The following RAB38 variants were observed in gnomAD, a reference collection of about 807,000 sequenced individuals.
RAB38 encodes ras-related protein Rab-38.
A neutral mutation model predicts 18.4 loss-of-function variants in RAB38; 15 were observed. The observed-to-expected ratio is 0.82, with a 90% CI of 0.55 to 1.26. The LOEUF is 1.26. Ranked by LOEUF, RAB38 falls within the 50% of genes most tolerant of loss-of-function variation. RAB38 has a pLI of 0.00. For synonymous variants in RAB38, 101 were observed against 104.4 expected, an observed-to-expected ratio of 0.97 and a Z score of 0.20; for missense variants, 294 against 267.4, an observed-to-expected ratio of 1.10 and a Z score of -0.69.
chr11:87,821,766 G>T, the RAB38 span, among the ~76,000 whole-genome samples: 2 of 151,150 alleles, frequency 1.3e-5, no homozygotes, highest in Admixed American at 6.6e-5. Context: ...CAGGAGAATC[G>T]CTTGCACCCG....
chr11:87,864,513 C>A, the RAB38 span, among the ~76,000 whole-genome samples: 1 of 151,468 alleles, frequency 6.6e-6, no homozygotes, highest in Non-Finnish European at 1.5e-5. Context: ...ACATAATATT[C>A]TTGTTTCATG....
At chr11:88,100,335 T>C in the RAB38 span, among the ~76,000 whole-genome samples, 1 of 151,936 alleles carries the variant, frequency 6.6e-6, no homozygotes, top group African/African-American at 2.4e-5. Flanking sequence ...AATGGCCGTT[T>C]TAAGGGAGCC....
the RAB38 span, among the ~76,000 whole-genome samples, chr11:87,849,230 A>C: frequency 1.3e-5 from 2 of 152,220 alleles, no homozygotes; most frequent in African/African-American, 2.4e-5. Context: ...ATCTGACCCA[A>C]GTTTCTTGGG....
the RAB38 span, among the ~76,000 whole-genome samples, chr11:88,091,169 A>T: frequency 6.6e-6 from 1 of 152,068 alleles, no homozygotes; most frequent in Middle Eastern, 3.4e-3. Flanking sequence ...TCCCTAGCTC[A>T]CCCAATATTG....
intron 2 of RAB38, among the ~76,000 whole-genome samples, chr11:88,123,592 G>A (rs958485756): frequency 6.6e-6 from 1 of 152,154 alleles, no homozygotes; most frequent in Non-Finnish European, 1.5e-5. Flanking sequence ...AACTACTGTA[G>A]GCTTTGCAGT....
At chr11:87,964,834 C>G in the RAB38 span, among the ~76,000 whole-genome samples, 1 of 152,050 alleles carries the variant, frequency 6.6e-6, no homozygotes, top group Non-Finnish European at 1.5e-5. Context: ...AACAGACCAC[C>G]GTAATTTATA....
At chr11:87,874,112 A>T in the RAB38 span, among the ~76,000 whole-genome samples, 1 of 150,790 alleles carries the variant, frequency 6.6e-6, no homozygotes, top group Non-Finnish European at 1.5e-5. Flanking sequence ...TGGTCCTGTT[A>T]AATGAATCTT....
chr11:88,084,603 C>T, the RAB38 span, among the ~76,000 whole-genome samples: 2 of 151,860 alleles, frequency 1.3e-5, no homozygotes, highest in Non-Finnish European at 2.9e-5. Context: ...ACTGTTTACC[C>T]TTCAAAGCCA....
At chr11:88,173,229 T>C (rs1277662213) in intron 1 of RAB38, among the ~76,000 whole-genome samples, 1 of 152,338 alleles carries the variant, frequency 6.6e-6, no homozygotes, top group Non-Finnish European at 1.5e-5. Context: ...CCTTCTTGCC[T>C]AGCATTTATA....
chr11:87,812,956 G>T, the RAB38 span, among the ~76,000 whole-genome samples: 1 of 152,104 alleles, frequency 6.6e-6, no homozygotes, highest in Admixed American at 6.6e-5. Flanking sequence ...ACATTCCAAA[G>T]AAATTCTCCG....
chr11:87,833,293 T>C, the RAB38 span, among the ~76,000 whole-genome samples: 2 of 152,198 alleles, frequency 1.3e-5, no homozygotes, highest in Non-Finnish European at 2.9e-5. Context: ...AACAATAACC[T>C]ACTTGTAGTT....
chr11:88,140,751 T>C (rs1405017096), intron 2 of RAB38, among the ~76,000 whole-genome samples: 1 of 152,094 alleles, frequency 6.6e-6, no homozygotes, highest in African/African-American at 2.4e-5. Flanking sequence ...AGAGATAAGC[T>C]TGGAGAAGCA....
chr11:87,826,772 C>T, the RAB38 span, among the ~76,000 whole-genome samples: 1 of 152,002 alleles, frequency 6.6e-6, no homozygotes, highest in Admixed American at 6.6e-5. Context: ...ACTTTAAATA[C>T]CACAACCACC....
At chr11:88,059,861 G>T in the RAB38 span, among the ~76,000 whole-genome samples, 1 of 152,120 alleles carries the variant, frequency 6.6e-6, no homozygotes, top group East Asian at 1.9e-4. Flanking sequence ...CCAGCTGGTT[G>T]CAGCAGGTGC....
the RAB38 span, among the ~76,000 whole-genome samples, chr11:88,069,021 G>A: frequency 1.3e-5 from 2 of 152,156 alleles, no homozygotes; most frequent in Non-Finnish European, 2.9e-5. Context: ...GCTGGAGCTG[G>A]CTCCCTCTGC....
the RAB38 span, among the ~76,000 whole-genome samples, chr11:87,821,080 A>AAACT: frequency 6.6e-6 from 1 of 152,326 alleles, no homozygotes. Flanking sequence ...GAATGAGTTT[A>AAACT]GGCTGAGAAT....
intron 2 of RAB38, among the ~76,000 whole-genome samples, chr11:88,121,790 C>T (rs909303283): frequency 7.2e-5 from 11 of 152,192 alleles, no homozygotes; most frequent in Non-Finnish European, 1.5e-4. Context: ...TCTCGATCTC[C>T]TGACCTCGGG....
the RAB38 span, among the ~76,000 whole-genome samples, chr11:87,910,766 G>T: frequency 6.7e-6 from 1 of 149,258 alleles, no homozygotes; most frequent in East Asian, 2.0e-4. Flanking sequence ...TCAGTCTCCC[G>T]AGTAGCTGGG....
At chr11:88,007,542 T>G in the RAB38 span, among the ~76,000 whole-genome samples, 1 of 152,090 alleles carries the variant, frequency 6.6e-6, no homozygotes, top group East Asian at 1.9e-4. Context: ...AGAATAACAA[T>G]GCAATACCAC....
Sources: allele counts gnomAD v4.1 joint callset (sites outside exome capture counted in the v4.1 genomes callset), GRCh38; gene constraint gnomAD v4.1.1; transcripts MANE v1.5; gene names NCBI Gene and HGNC (gene_info 2026-07-23, HGNC 2026-07-21).